DMD: variants seen among roughly 807,000 people sequenced by gnomAD.
DMD encodes the protein mutant dystrophin.
Under a neutral mutation model 330.1 loss-of-function variants are expected in DMD, and 63 were observed. The ratio of observed to expected loss-of-function variants is 0.19; its 90% CI spans 0.16 to 0.24. DMD has a LOEUF of 0.24. Among genes scored for constraint, DMD ranks in the 10% least tolerant of loss-of-function variants. The pLI is 1.00. For missense variants in DMD, 3,344 were observed against 2,684.1 expected (o/e 1.25, Z -5.43); for synonymous variants, 1,223 against 959.8 (o/e 1.27, Z -5.07).
intron 38 of DMD, among the ~76,000 whole-genome samples, chrX:32,347,260 T>C (rs2097767207): frequency 9.0e-6 from 1 of 111,726 alleles, no homozygotes; most frequent in South Asian, 3.7e-4. Flanking sequence ...GTTGTAAAAG[T>C]CTGTAGCATT....
chrX:32,731,027 A>G (rs2067544063), intron 7 of DMD, among the ~76,000 whole-genome samples: 1 of 111,488 alleles, frequency 9.0e-6, no homozygotes, highest in African/African-American at 3.3e-5. Context: ...GGAGTGCCAG[A>G]CAGTGGGCGC....
chrX:31,948,960 C>A (rs1166813081), intron 45 of DMD, among the ~76,000 whole-genome samples: 1 of 111,369 alleles, frequency 9.0e-6, no homozygotes, highest in Non-Finnish European at 1.9e-5. Flanking sequence ...GTTTCCTAAA[C>A]CTACAGGTGA....
chrX:32,915,458 C>G (rs1350912430), intron 2 of DMD, among the ~76,000 whole-genome samples: 1 of 111,750 alleles, frequency 8.9e-6, no homozygotes, highest in Non-Finnish European at 1.9e-5. Flanking sequence ...GAGGTACACA[C>G]AGGATTTGTC....
intron 44 of DMD, among the ~76,000 whole-genome samples, chrX:32,135,914 C>A (rs908190201): frequency 2.7e-5 from 3 of 111,458 alleles, no homozygotes; most frequent in Non-Finnish European, 3.8e-5. Flanking sequence ...AAAATTTAGT[C>A]ATTAACCCTT....
intron 60 of DMD, among the ~76,000 whole-genome samples, chrX:31,428,509 A>G (rs1226656252): frequency 1.8e-5 from 2 of 111,748 alleles, no homozygotes; most frequent in African/African-American, 6.5e-5. Context: ...AGTGATGCAA[A>G]TGGAATTAAC....
At chrX:32,510,382 G>A (rs2045160778) in intron 18 of DMD, among the ~76,000 whole-genome samples, 1 of 111,605 alleles carries the variant, frequency 9.0e-6, no homozygotes, top group Non-Finnish European at 1.9e-5. Flanking sequence ...GCCTTTTAGT[G>A]CCACTCTGTC....
At chrX:31,223,160 C>T in intron 63 of DMD, 39 bp from the exon 64 acceptor site, 1 of 1,121,345 alleles carries the variant, frequency 8.9e-7, no homozygotes, top group Non-Finnish European at 1.2e-6. Context: ...GTTATTCCAT[C>T]AGAAATAACA....
At chrX:31,736,173 C>T (rs906339059) in intron 51 of DMD, among the ~76,000 whole-genome samples, 3 of 111,453 alleles carry the variant, frequency 2.7e-5, no homozygotes, top group African/African-American at 6.5e-5. Context: ...AATTAAATGA[C>T]GTCAATCAAA....
intron 2 of DMD, among the ~76,000 whole-genome samples, chrX:32,977,595 T>C (rs1260946169): frequency 9.0e-6 from 1 of 111,530 alleles, no homozygotes; most frequent in East Asian, 2.8e-4. Context: ...CTGTGTATAA[T>C]AGACTCTTCC....
chrX:33,228,043 G>T (rs1418130329), intron 1 of DMD, among the ~76,000 whole-genome samples: 1 of 111,194 alleles, frequency 9.0e-6, no homozygotes, highest in Non-Finnish European at 1.9e-5. Flanking sequence ...TGTGAAGTCT[G>T]GTTATTTGAA....
chrX:32,040,314 C>T (rs2095989965), intron 44 of DMD, among the ~76,000 whole-genome samples: 1 of 111,484 alleles, frequency 9.0e-6, no homozygotes, highest in African/African-American at 3.3e-5. Context: ...CAAAAGAGAA[C>T]CAACAATGCC....
intron 43 of DMD, among the ~76,000 whole-genome samples, chrX:32,240,906 C>G (rs1012868011): frequency 9.0e-6 from 1 of 111,085 alleles, no homozygotes; most frequent in African/African-American, 3.3e-5. Context: ...TCAAAACAAC[C>G]CCTTTATTTC....
At chrX:32,941,069 T>A (rs923928953) in intron 2 of DMD, among the ~76,000 whole-genome samples, 8 of 111,848 alleles carry the variant, frequency 7.2e-5, no homozygotes, top group African/African-American at 2.6e-4. Flanking sequence ...ACATTAATTG[T>A]CAGAGAAATG....
chrX:32,951,474 G>T lies in DMD; in HGVS notation c.93+68665C>A, dbSNP rs915205559. On this transcript the variant is annotated intron_variant, in intron 2 of 78. Coordinates refer to ENST00000357033, the MANE Select transcript of DMD (RefSeq NM_004006.3). ...TCTGCAGCAGGTTAAGTGGGCTATT[G>T]AACAAAGAAAACCCCAGGAATTCTG... is the stretch of plus-strand genomic sequence containing the variant. 3.6e-5 allele frequency among the ~76,000 whole-genome samples: 4 copies of T among 111,704 alleles called. No individual in the cohort carries two copies. The Admixed American group carries it at 3.8e-4, about 11-fold the overall frequency.
chrX:32,874,119 C>G (rs6527238), intron 2 of DMD, among the ~76,000 whole-genome samples: 38,061 of 110,874 alleles, frequency 0.34, 4,783 homozygotes, highest in South Asian at 0.45. Flanking sequence ...AGCTGTCATA[C>G]CAAATTTTCA....
intron 7 of DMD, among the ~76,000 whole-genome samples, chrX:32,778,155 G>A (rs1469374166): frequency 1.8e-5 from 2 of 109,433 alleles, no homozygotes; most frequent in Non-Finnish European, 3.8e-5. Flanking sequence ...TCCCATGACT[G>A]TGCCAGGTAA....
chrX:32,655,921 G>C (rs920211016), intron 9 of DMD, among the ~76,000 whole-genome samples: 2 of 110,806 alleles, frequency 1.8e-5, no homozygotes, highest in African/African-American at 6.6e-5. Context: ...TTTGATCTTT[G>C]TTGGTCTAAA....
chrX:32,448,194 G>C (rs1283265434), intron 27 of DMD, among the ~76,000 whole-genome samples: 1 of 111,010 alleles, frequency 9.0e-6, no homozygotes, highest in Non-Finnish European at 1.9e-5. Context: ...CATATATTGA[G>C]TACTAGGCTA....
chrX:33,277,498 C>T (rs2053253623), intron 1 of DMD, among the ~76,000 whole-genome samples: 1 of 111,212 alleles, frequency 9.0e-6, no homozygotes, highest in Admixed American at 9.6e-5. Flanking sequence ...ACTTGCAGGG[C>T]AGGGTCTGCA....
Sources: allele counts gnomAD v4.1 joint callset (sites outside exome capture counted in the v4.1 genomes callset), GRCh38; gene constraint gnomAD v4.1.1; transcripts MANE v1.5; gene names NCBI Gene and HGNC (gene_info 2026-07-23, HGNC 2026-07-21).